Variants in DHRSX observed in about 807,000 individuals in gnomAD.
The protein encoded by DHRSX is polyprenol dehydrogenase.
Under a neutral mutation model 34.0 loss-of-function variants are expected in DHRSX, and 31 were observed. The ratio of observed to expected loss-of-function variants is 0.91; its 90% CI spans 0.69 to 1.23. DHRSX has a LOEUF of 1.23. DHRSX is among the 50% of genes most tolerant of loss of function. The pLI is 0.00. For missense variants in DHRSX, 414 were observed against 428.1 expected, an observed-to-expected ratio of 0.97 and a Z score of 0.29; for synonymous variants, 201 against 183.8, an observed-to-expected ratio of 1.09 and a Z score of -0.76.
intron 1 of DHRSX, among the ~76,000 whole-genome samples, chrX:2,439,285 A>G (rs2044035100): frequency 1.3e-5 from 2 of 152,058 alleles, no homozygotes; most frequent in Admixed American, 6.5e-5. Flanking sequence ...ACTGCAGAGG[A>G]AAGAGAGGGA....
chrX:2,283,640 C>T (rs1199838264), intron 4 of DHRSX, among the ~76,000 whole-genome samples: 1 of 152,150 alleles, frequency 6.6e-6, no homozygotes, highest in African/African-American at 2.4e-5. Flanking sequence ...TCTGTTGATG[C>T]AGAACTGCAC....
intron 3 of DHRSX, among the ~76,000 whole-genome samples, chrX:2,350,998 C>A (rs1268439050): frequency 6.6e-6 from 1 of 152,116 alleles, no homozygotes; most frequent in Non-Finnish European, 1.5e-5. Context: ...CCAAACACTG[C>A]CTGTTTTCAC....
chrX:2,350,842 A>G (rs999690108), intron 3 of DHRSX, among the ~76,000 whole-genome samples: 1 of 152,230 alleles, frequency 6.6e-6, no homozygotes, highest in Non-Finnish European at 1.5e-5. Context: ...ATGTCCATCA[A>G]TGATAAGACT....
At chrX:2,284,063 TGTTC>T (rs1435572599) in intron 4 of DHRSX, among the ~76,000 whole-genome samples, 4 of 152,250 alleles carry the variant, frequency 2.6e-5, no homozygotes, top group Non-Finnish European at 4.4e-5. Context: ...TGACTTCATT[TGTTC>T]ATTCATTTGA....
chrX:2,233,632 A>G (rs1027670021), intron 6 of DHRSX, among the ~76,000 whole-genome samples: 11 of 152,148 alleles, frequency 7.2e-5, no homozygotes, highest in African/African-American at 2.7e-4. Context: ...ATTCAGTCCA[A>G]TGAATGTTTA....
At chrX:2,311,368 G>GAGAT (rs2042163625) in intron 3 of DHRSX, among the ~76,000 whole-genome samples, 1 of 152,124 alleles carries the variant, frequency 6.6e-6, no homozygotes, top group Admixed American at 6.6e-5. Context: ...TTGAGCACTT[G>GAGAT]AGATACATCA....
At chrX:2,346,913 C>T (rs1017056217) in intron 3 of DHRSX, among the ~76,000 whole-genome samples, 11 of 151,898 alleles carry the variant, frequency 7.2e-5, no homozygotes, top group Admixed American at 1.3e-4. Flanking sequence ...GGTTTTCTGT[C>T]CTTGTGATAG....
chrX:2,469,078 G>T (rs1256164904), intron 1 of DHRSX, among the ~76,000 whole-genome samples: 1 of 151,086 alleles, frequency 6.6e-6, no homozygotes, highest in Non-Finnish European at 1.5e-5. Context: ...GCATTCCGAA[G>T]CATGTGGCTA....
chrX:2,356,271 A>G (rs2042850631), intron 3 of DHRSX, among the ~76,000 whole-genome samples: 2 of 152,024 alleles, frequency 1.3e-5, no homozygotes, highest in Admixed American at 1.3e-4. Flanking sequence ...GCTACTCACG[A>G]GGCTGAGGCA....
At chrX:2,399,472 C>G (rs1170042575) in intron 3 of DHRSX, among the ~76,000 whole-genome samples, 5 of 150,114 alleles carry the variant, frequency 3.3e-5, no homozygotes, top group Non-Finnish European at 7.4e-5. Context: ...TTCGGGAGGC[C>G]AAGGCAGGCA....
intron 6 of DHRSX, among the ~76,000 whole-genome samples, chrX:2,230,370 C>G (rs772826897): frequency 5.9e-5 from 9 of 152,288 alleles, no homozygotes; most frequent in African/African-American, 1.7e-4. Context: ...CTTCCTTTAA[C>G]TACAATCTCG....
chrX:2,240,576 C>T lies in DHRSX; in HGVS notation c.804+2447G>A, dbSNP rs192608671. Among the ~76,000 whole-genome samples the T allele has an allele frequency of 2.2e-4, 34 of 151,892 alleles. No individual in the cohort carries two copies. The East Asian group carries it at 6.5e-3, about 29-fold the overall frequency. On this transcript the variant is annotated intron_variant, in intron 6 of 6. Transcript: ENST00000334651. ...TACCTAAAGGGAAAAGCTGTCTAAA[C>T]TGACTCAGAAAGAGGTGGGAAACTT...
intron 6 of DHRSX, among the ~76,000 whole-genome samples, chrX:2,224,520 T>C (rs919760606): frequency 6.6e-6 from 1 of 152,190 alleles, no homozygotes; most frequent in Non-Finnish European, 1.5e-5. Context: ...AGCAAGCGCA[T>C]TGTGCTGAAA....
chrX:2,358,035 T>C (rs1364635649), intron 3 of DHRSX, among the ~76,000 whole-genome samples: 2 of 152,214 alleles, frequency 1.3e-5, no homozygotes, highest in African/African-American at 2.4e-5. Context: ...AATCAAGTGA[T>C]AGCATGTGGT....
intron 3 of DHRSX, among the ~76,000 whole-genome samples, chrX:2,355,092 T>C (rs1415883079): frequency 6.6e-6 from 1 of 152,104 alleles, no homozygotes; most frequent in Non-Finnish European, 1.5e-5. Flanking sequence ...ATCTCAATTA[T>C]AGCAAGAAAT....
At chrX:2,450,241 T>A (rs1306739646) in intron 1 of DHRSX, among the ~76,000 whole-genome samples, 1 of 152,184 alleles carries the variant, frequency 6.6e-6, no homozygotes, top group African/African-American at 2.4e-5. Context: ...AGAACAGTGT[T>A]TATGTTTATA....
chrX:2,490,901 G>C (rs1350431622), intron 1 of DHRSX: 1 of 775,076 alleles, frequency 1.3e-6, no homozygotes, highest in Non-Finnish European at 2.1e-6. Flanking sequence ...CGGACGGCTG[G>C]ACCTTCCTTG....
At chrX:2,471,106 T>A (rs972080427) in intron 1 of DHRSX, among the ~76,000 whole-genome samples, 1 of 152,158 alleles carries the variant, frequency 6.6e-6, no homozygotes, top group Non-Finnish European at 1.5e-5. Flanking sequence ...AAAAATGAAT[T>A]TTCCAGAAAA....
chrX:2,372,757 C>T (rs190523994), intron 3 of DHRSX, among the ~76,000 whole-genome samples: 249 of 151,930 alleles, frequency 1.6e-3, no homozygotes, highest in African/African-American at 5.8e-3. Flanking sequence ...TACAGGCACC[C>T]GCCACCCTGC....
Sources: allele counts gnomAD v4.1 joint callset (sites outside exome capture counted in the v4.1 genomes callset), GRCh38; gene constraint gnomAD v4.1.1; transcripts MANE v1.5; gene names NCBI Gene and HGNC (gene_info 2026-07-23, HGNC 2026-07-21).